CEP57: variants seen among roughly 807,000 people sequenced by gnomAD.
CEP57 encodes the protein centrosomal protein of 57 kDa.
Under a neutral mutation model 68.0 loss-of-function variants are expected in CEP57, and 40 were observed. The observed-to-expected ratio is 0.59, with a 90% confidence interval of 0.46 to 0.77. CEP57 has a LOEUF of 0.77. CEP57 is among the 30% of genes least tolerant of loss of function. The pLI, the probability that CEP57 is intolerant of heterozygous loss-of-function variation, is 0.00. For synonymous variants in CEP57, 219 were observed against 198.7 expected, an observed-to-expected ratio of 1.10 and a Z score of -0.86; for missense variants, 606 against 580.7, an observed-to-expected ratio of 1.04 and a Z score of -0.45.
At chr11:95,795,580 C>T in intron 1 of CEP57, 1 of 526,780 alleles carries the variant, frequency 1.9e-6, no homozygotes, top group South Asian at 2.8e-5. Context: ...TTGTCTTACT[C>T]CTGATTTTAA....
At chr11:95,818,542 T>C (rs1402221785) in intron 5 of CEP57, among the ~76,000 whole-genome samples, 1 of 152,214 alleles carries the variant, frequency 6.6e-6, no homozygotes, top group Non-Finnish European at 1.5e-5. Context: ...GATAATAAAG[T>C]TCCAGATTTA....
intron 1 of CEP57, among the ~76,000 whole-genome samples, chr11:95,791,323 T>G (rs981306021): frequency 2.0e-5 from 3 of 152,164 alleles, no homozygotes; most frequent in African/African-American, 7.2e-5. Flanking sequence ...GAAATGCCCT[T>G]TTGGAGAGGC....
rs560835162 is a variant in CEP57, at chr11:95,799,276, G to C, written c.90G>C (p.Arg30=). The C allele has an allele frequency of 4.3e-6, 7 of 1,614,018 alleles. No individual in the cohort carries two copies. The highest frequency in any genetic ancestry group is 4.0e-5 in the African/African-American group (3 of 75,036). The change falls in exon 2 of 11, where the codon CGG becomes CGC. Residue 30 remains arginine, a synonymous_variant. Coordinates refer to ENST00000325542, the MANE Select transcript of CEP57 (RefSeq NM_014679.5). ...EPSRSNGSMV[R]HSSSPYVVYP... Reference sequence around the variant, plus strand: ...CAAGGTCTAATGGAAGCATGGTTCGGCATTCTTCATCTCCATATGTAGTAT... The same window carrying C: ...CAAGGTCTAATGGAAGCATGGTTCGCCATTCTTCATCTCCATATGTAGTAT...
intron 2 of CEP57, among the ~76,000 whole-genome samples, chr11:95,802,454 C>T (rs752339419): frequency 4.6e-5 from 7 of 151,968 alleles, no homozygotes; most frequent in Non-Finnish European, 8.8e-5. Context: ...AGGGTTTAAC[C>T]ATGTTGGCCA....
At chr11:95,800,614 T>A (rs1337604237) in intron 2 of CEP57, among the ~76,000 whole-genome samples, 1 of 152,106 alleles carries the variant, frequency 6.6e-6, no homozygotes, top group Non-Finnish European at 1.5e-5. Context: ...ATGGTCTCAA[T>A]CTCTGGACCT....
intron 9 of CEP57, 33 bp downstream of exon 9, chr11:95,828,060 T>G (rs1348030090): frequency 4.4e-6 from 7 of 1,595,368 alleles, no homozygotes; most frequent in Middle Eastern, 3.4e-4. Flanking sequence ...AAATTCAGTT[T>G]AGCTCTAAAA....
intron 8 of CEP57, among the ~76,000 whole-genome samples, chr11:95,825,363 A>G (rs777624745): frequency 3.3e-5 from 5 of 152,200 alleles, no homozygotes; most frequent in Non-Finnish European, 7.4e-5. Flanking sequence ...AAGATGGTAG[A>G]TATGGCAAAA....
intron 4 of CEP57, 46 bp from the exon 5 acceptor site, chr11:95,817,739 CTT>C (rs777086706): frequency 1.5e-6 from 2 of 1,305,602 alleles, no homozygotes; most frequent in Non-Finnish European, 2.2e-6. Context: ...GTGTTTTTCT[CTT>C]TTTTGATTGT....
At chr11:95,816,838 C>G in intron 4 of CEP57, among the ~76,000 whole-genome samples, 1 of 151,856 alleles carries the variant, frequency 6.6e-6, no homozygotes, top group Admixed American at 6.6e-5. Context: ...TGGTGAAACC[C>G]CATCTCTACT....
chr11:95,805,421 T>C (rs1342936923), intron 2 of CEP57, among the ~76,000 whole-genome samples: 1 of 152,168 alleles, frequency 6.6e-6, no homozygotes, highest in African/African-American at 2.4e-5. Flanking sequence ...CTAGTTATAT[T>C]GTAGTCTCAT....
intron 4 of CEP57, among the ~76,000 whole-genome samples, chr11:95,815,800 T>C (rs1292284300): frequency 6.6e-6 from 1 of 152,096 alleles, no homozygotes; most frequent in East Asian, 1.9e-4. Flanking sequence ...AATAAATAAA[T>C]AAAATCACTG....
chr11:95,790,351 C>T, upstream of CEP57: 3 of 426,212 alleles, frequency 7.0e-6, no homozygotes, highest in South Asian at 5.5e-5. Context: ...GCAGAGCCGG[C>T]CTGTAACCCC....
At position 95,831,230 on chromosome 11, in the gene CEP57, A is replaced by T; in HGVS notation, c.1477A>T (p.Ser493Cys). 1 of 1,613,300 alleles carries T rather than the reference A, an allele frequency of 6.2e-7. No individual in the cohort carries two copies. The highest frequency in any genetic ancestry group is 8.5e-7 in the Non-Finnish European group (1 of 1,179,358). ...GCAAAGCATACAGAATTCATTACAA[A>T]GCAGTAGTTTGTGTTGGGATTACTG... The part of the protein sequence containing the change: ...DMQSIQNSLQ[S>C]SSLCWDY Residue 493 changes from serine (S) to cysteine (C), a missense_variant, in exon 11 of 11, where the codon AGC (serine) becomes TGC (cysteine). By Grantham distance (112) the Ser-to-Cys change is moderately radical. Coordinates refer to ENST00000325542, the MANE Select transcript of CEP57 (RefSeq NM_014679.5).
intron 9 of CEP57, 82 bp downstream of exon 9, chr11:95,828,109 A>G: frequency 1.3e-6 from 2 of 1,491,466 alleles, no homozygotes; most frequent in Non-Finnish European, 1.8e-6. Flanking sequence ...ATTAAATCTT[A>G]CTTTCCTTTG....
chr11:95,815,678 G>A (rs1420640944), intron 4 of CEP57, among the ~76,000 whole-genome samples: 1 of 152,108 alleles, frequency 6.6e-6, no homozygotes, highest in Non-Finnish European at 1.5e-5. Flanking sequence ...GGCTGGGCAG[G>A]GTGGCTTACA....
intron 9 of CEP57, among the ~76,000 whole-genome samples, chr11:95,828,854 A>G (rs928004891): frequency 6.6e-6 from 1 of 151,970 alleles, no homozygotes; most frequent in African/African-American, 2.4e-5. Context: ...CATCCTGGCT[A>G]ACAGGGTGAA....
upstream of CEP57, chr11:95,790,181 T>G (rs1363806684): frequency 5.8e-6 from 1 of 172,964 alleles, no homozygotes; most frequent in African/African-American, 2.4e-5. Flanking sequence ...CGAGGCAAAT[T>G]CACGCTCTCT....
chr11:95,816,539 TATTAGGC>T (rs1862304319), intron 4 of CEP57, among the ~76,000 whole-genome samples: 1 of 152,256 alleles, frequency 6.6e-6, no homozygotes, highest in African/African-American at 2.4e-5. Flanking sequence ...TGGAGACAAC[TATTAGGC>T]ATATGTAATA....
intron 2 of CEP57, among the ~76,000 whole-genome samples, chr11:95,806,701 A>G (rs1047403568): frequency 3.3e-5 from 5 of 152,218 alleles, no homozygotes; most frequent in Non-Finnish European, 5.9e-5. Context: ...CTGAAGCTTG[A>G]GTAGGTAAAC....
Sources: allele counts gnomAD v4.1 joint callset (sites outside exome capture counted in the v4.1 genomes callset), GRCh38; gene constraint gnomAD v4.1.1; transcripts MANE v1.5; gene names NCBI Gene and HGNC (gene_info 2026-07-23, HGNC 2026-07-21).